HMGCLL1: variants seen among roughly 807,000 people sequenced by gnomAD.
HMGCLL1 encodes 3-hydroxy-3-methylglutaryl-CoA lyase like 1.
Under a neutral mutation model 39.1 loss-of-function variants are expected in HMGCLL1, and 36 were observed. The ratio of observed to expected loss-of-function variants is 0.92; its 90% CI spans 0.71 to 1.22. HMGCLL1 has a LOEUF of 1.22. HMGCLL1 is among the 50% of genes most tolerant of loss of function. HMGCLL1 has a pLI of 0.00. For missense variants in HMGCLL1, 451 were observed against 416.5 expected, an observed-to-expected ratio of 1.08 and a Z score of -0.72; for synonymous variants, 149 against 144.0, an observed-to-expected ratio of 1.03 and a Z score of -0.25.
At chr6:55,479,250 G>A (rs1765606598) in intron 7 of HMGCLL1, among the ~76,000 whole-genome samples, 1 of 151,516 alleles carries the variant, frequency 6.6e-6, no homozygotes, top group African/African-American at 2.4e-5. Context: ...AACTTTAACT[G>A]TCAGGCAGTC....
rs116735087 is a variant in HMGCLL1 at position 55,510,162 on chromosome 6, C to G, written c.542+3886G>C. ...GCTCCTAGGAAAAATGTTAAATATA[C>G]TCTTCTTTGAACTTTCAGTATAAAC... On this transcript the variant is annotated intron_variant, in intron 5 of 8. Transcript: ENST00000274901. 3.8e-3 allele frequency among the ~76,000 whole-genome samples: 574 copies of G among 152,010 alleles called. 6 individuals carry two copies. Among genetic ancestry groups the G allele is most frequent in the African/African-American group, 0.013 (555 of 41,510 alleles).
chr6:55,590,734 T>C, the HMGCLL1 span, among the ~76,000 whole-genome samples: 7,490 of 152,012 alleles, frequency 0.049, 415 homozygotes, highest in African/African-American at 0.13. Context: ...CACAGATAAA[T>C]ATAAGCACAT....
At chr6:55,663,140 C>G in the HMGCLL1 span, among the ~76,000 whole-genome samples, 2 of 151,252 alleles carry the variant, frequency 1.3e-5, no homozygotes, top group Non-Finnish European at 3.0e-5. Context: ...CTCCTGAACT[C>G]ATTAATCATT....
the HMGCLL1 span, among the ~76,000 whole-genome samples, chr6:55,667,940 T>A: frequency 6.6e-6 from 1 of 151,854 alleles, no homozygotes; most frequent in African/African-American, 2.4e-5. Flanking sequence ...TTTATGTTTT[T>A]TATGTTTCTT....
the HMGCLL1 span, among the ~76,000 whole-genome samples, chr6:55,677,066 A>C: frequency 6.6e-6 from 1 of 152,214 alleles, no homozygotes; most frequent in African/African-American, 2.4e-5. Flanking sequence ...GGCTTTTTCA[A>C]GCCCAGATAA....
intron 1 of HMGCLL1, among the ~76,000 whole-genome samples, chr6:55,545,796 GA>G (rs968913795): frequency 4.6e-5 from 7 of 150,758 alleles, no homozygotes; most frequent in Admixed American, 1.3e-4. Flanking sequence ...AAGCTCATTA[GA>G]AAAAAAAAGT....
chr6:55,470,210 AC>A (rs1764986722), intron 7 of HMGCLL1, among the ~76,000 whole-genome samples: 1 of 151,894 alleles, frequency 6.6e-6, no homozygotes, highest in Admixed American at 6.6e-5. Context: ...CTCACATCGC[AC>A]TATAATTGTT....
the HMGCLL1 span, among the ~76,000 whole-genome samples, chr6:55,678,138 T>C: frequency 6.6e-6 from 1 of 152,164 alleles, no homozygotes; most frequent in Non-Finnish European, 1.5e-5. Flanking sequence ...GGTCAGGGTG[T>C]TGGCTCTTAT....
the HMGCLL1 span, among the ~76,000 whole-genome samples, chr6:55,664,365 T>G: frequency 6.6e-6 from 1 of 151,758 alleles, no homozygotes; most frequent in African/African-American, 2.4e-5. Flanking sequence ...GGTCTGGTAG[T>G]AATAAACTGC....
intron 7 of HMGCLL1, among the ~76,000 whole-genome samples, chr6:55,493,468 T>C (rs1581852833): frequency 1.3e-5 from 2 of 152,086 alleles, no homozygotes; most frequent in Admixed American, 6.6e-5. Context: ...GATGGAAAAA[T>C]GGCCCAGAAT....
At chr6:55,473,348 C>A (rs534781829) in intron 7 of HMGCLL1, among the ~76,000 whole-genome samples, 1 of 151,136 alleles carries the variant, frequency 6.6e-6, no homozygotes, top group Non-Finnish European at 1.5e-5. Context: ...TGGTTTTAAT[C>A]GATAATTTTA....
At position 55,524,279 on chromosome 6, in the gene HMGCLL1, G is replaced by A. The variant is rs547769619; in HGVS notation, c.298-7676C>T. 2.0e-3 allele frequency among the ~76,000 whole-genome samples: 299 copies of A among 150,856 alleles called. 3 individuals carry two copies. Among genetic ancestry groups the A allele is most frequent in the Non-Finnish European group, 3.5e-4 (24 of 67,844 alleles). On this transcript the variant is annotated intron_variant, in intron 3 of 8. Coordinates refer to ENST00000274901, the MANE Select transcript of HMGCLL1 (RefSeq NM_001042406.2). The stretch of plus-strand genomic sequence containing the variant: ...ATAGTCACAAAATAAGAGAAAAAGC[G>A]TATTATGAATTAACCTCAGATGCTC...
At chr6:55,537,101 T>A (rs1769079373) in intron 3 of HMGCLL1, among the ~76,000 whole-genome samples, 1 of 144,670 alleles carries the variant, frequency 6.9e-6, no homozygotes, top group Non-Finnish European at 1.5e-5. Flanking sequence ...TCATAAGATT[T>A]TTTTTCCAAA....
chr6:55,583,681 C>A (rs1367266937), upstream of HMGCLL1, among the ~76,000 whole-genome samples: 1 of 152,046 alleles, frequency 6.6e-6, no homozygotes, highest in Non-Finnish European at 1.5e-5. Context: ...TTTATAGCAG[C>A]ATGATTTATA....
At chr6:55,543,969 T>C (rs1029951203) in intron 1 of HMGCLL1, among the ~76,000 whole-genome samples, 4 of 152,074 alleles carry the variant, frequency 2.6e-5, no homozygotes, top group African/African-American at 9.7e-5. Flanking sequence ...GAATATGAAT[T>C]TGGTTTTGGG....
chr6:55,444,626 G>A (rs1021964951), intron 7 of HMGCLL1, among the ~76,000 whole-genome samples: 11 of 151,916 alleles, frequency 7.2e-5, no homozygotes, highest in Admixed American at 3.9e-4. Context: ...TATATAAAGT[G>A]CTAATGGTAA....
chr6:55,530,472 A>C (rs951432467), intron 3 of HMGCLL1, among the ~76,000 whole-genome samples: 1 of 152,096 alleles, frequency 6.6e-6, no homozygotes, highest in Non-Finnish European at 1.5e-5. Context: ...CCAATCAGTG[A>C]TGAATTGATA....
chr6:55,656,421 G>A, the HMGCLL1 span, among the ~76,000 whole-genome samples: 1 of 151,850 alleles, frequency 6.6e-6, no homozygotes, highest in Admixed American at 6.6e-5. Flanking sequence ...ATATTCCTCA[G>A]CTCCCATGCA....
intron 7 of HMGCLL1, among the ~76,000 whole-genome samples, chr6:55,470,529 A>AT (rs1213086626): frequency 6.6e-6 from 1 of 151,816 alleles, no homozygotes; most frequent in Non-Finnish European, 1.5e-5. Flanking sequence ...GACATATTTC[A>AT]TTTTTTTCTT....
Sources: gnomAD v4.1 joint callset for allele counts (sites outside exome capture counted in the v4.1 genomes callset) on GRCh38, gnomAD v4.1.1 for gene constraint, MANE v1.5 for transcripts, NCBI Gene and HGNC (gene_info 2026-07-23, HGNC 2026-07-21) for gene names.